The following RAB18 variants were observed in gnomAD, a reference collection of about 807,000 sequenced individuals.
RAB18 encodes RAB18, member RAS oncogene family.
RAB18 carries 10 observed loss-of-function variants against 28.5 expected under a neutral mutation model. The observed-to-expected ratio is 0.35, with a 90% CI of 0.22 to 0.60. RAB18 has a LOEUF of 0.60. Among genes scored for constraint, RAB18 ranks in the 20% least tolerant of loss-of-function variants. The pLI is 0.78. For missense variants in RAB18, 188 were observed against 244.2 expected, an observed-to-expected ratio of 0.77 and a Z score of 1.53; for synonymous variants, 93 against 86.9, an observed-to-expected ratio of 1.07 and a Z score of -0.39.
chr10:27,522,891 GTCT>G (rs1295191655), intron 2 of RAB18, among the ~76,000 whole-genome samples: 1 of 151,046 alleles, frequency 6.6e-6, no homozygotes. Flanking sequence ...GATTTTTTTT[GTCT>G]TCTTTTTCCT....
intron 2 of RAB18, among the ~76,000 whole-genome samples, chr10:27,525,142 G>A (rs1013316101): frequency 6.6e-5 from 10 of 152,214 alleles, no homozygotes; most frequent in African/African-American, 9.6e-5. Context: ...AGGAGTTGGG[G>A]TATGGGAAGA....
At chr10:27,521,496 A>G (rs1341173386) in intron 2 of RAB18, among the ~76,000 whole-genome samples, 2 of 152,246 alleles carry the variant, frequency 1.3e-5, no homozygotes, top group Non-Finnish European at 2.9e-5. Context: ...GCATATGCAT[A>G]CCATGGAATA....
chr10:27,515,760 A>G (rs1184296457), intron 2 of RAB18, among the ~76,000 whole-genome samples: 1 of 152,120 alleles, frequency 6.6e-6, no homozygotes, highest in Non-Finnish European at 1.5e-5. Flanking sequence ...TTTCATGACA[A>G]ACTTAAATAA....
In RAB18 at chr10:27,538,798, G is replaced by C. The variant is rs1834956646; in HGVS notation, c.*747G>C. 4.4e-6 allele frequency: 2 copies of C among 453,872 alleles called. No individual in the cohort carries two copies. Among genetic ancestry groups the C allele is most frequent in the Non-Finnish European group, 8.8e-6 (2 of 226,748 alleles). The allele number at this position is 453,872 out of a possible 1,614,324, so 28.1% of individuals were successfully genotyped here. A position where few individuals can be genotyped will look rare whatever the true frequency, so the allele number is the denominator to read the frequency against. On this transcript the variant is annotated 3_prime_UTR_variant, in exon 7 of 7. Transcript: ENST00000356940. Reference sequence around the variant, plus strand: ...GACAATAAGGTTTTCCCCCATTTTGGTTTCAGGAGGACATGAATAGTGTGT... The same window carrying C: ...GACAATAAGGTTTTCCCCCATTTTGCTTTCAGGAGGACATGAATAGTGTGT...
Position 27,538,690 on chromosome 10 carries a change from C to T in RAB18, c.*639C>T, listed in dbSNP as rs1204663482. On this transcript the variant is annotated 3_prime_UTR_variant, in exon 7 of 7. Coordinates refer to ENST00000356940, the MANE Select transcript of RAB18 (RefSeq NM_021252.5). ...TTTACTTCAATGATTAGCTCAGTTG[C>T]TTAACTGGAGTTTTAATCCTGTGAT... is the stretch of plus-strand genomic sequence containing the variant. The T allele has an allele frequency of 2.2e-6, 1 of 454,126 alleles. No homozygotes were observed. Among genetic ancestry groups the T allele is most frequent in the Admixed American group, 2.3e-5 (1 of 42,558 alleles). 28.1% of individuals were successfully genotyped at this position (454,126 alleles called of 1,614,324 possible). A position where few individuals can be genotyped will look rare whatever the true frequency, so the allele number is the denominator to read the frequency against.
rs1305158436 is a variant in RAB18, at chr10:27,538,378, A to G, written c.*327A>G. Reference sequence around the variant, plus strand: ...TGTTGATACAAAGTCTGCTTTTGCTATTCTTTTTGCTTAAATACTCCTATC... The same window carrying G: ...TGTTGATACAAAGTCTGCTTTTGCTGTTCTTTTTGCTTAAATACTCCTATC... On this transcript the variant is annotated 3_prime_UTR_variant, in exon 7 of 7. Coordinates refer to ENST00000356940, the MANE Select transcript of RAB18 (RefSeq NM_021252.5). 2.9e-5 allele frequency: 14 copies of G among 477,428 alleles called. No individual in the cohort carries two copies. The highest frequency in any genetic ancestry group is 1.9e-4 in the Admixed American group (8 of 43,232). 29.6% of individuals were successfully genotyped at this position (477,428 alleles called of 1,614,324 possible).
chr10:27,521,776 A>C (rs1322710302), intron 2 of RAB18, among the ~76,000 whole-genome samples: 1 of 152,110 alleles, frequency 6.6e-6, no homozygotes, highest in Admixed American at 6.5e-5. Flanking sequence ...GGTGCACCAA[A>C]ATCTCGGAAA....
At chr10:27,521,279 G>A (rs1021835537) in intron 2 of RAB18, among the ~76,000 whole-genome samples, 1 of 151,982 alleles carries the variant, frequency 6.6e-6, no homozygotes, top group Non-Finnish European at 1.5e-5. Context: ...TATTCTGTTG[G>A]CTCTAATTGG....
At position 27,504,375 on chromosome 10, in the gene RAB18, C is replaced by A. The variant is rs1023227619; in HGVS notation, c.6C>A (p.Asp2Glu). The A allele has an allele frequency of 1.3e-6, 2 of 1,574,964 alleles. No individual in the cohort carries two copies. The highest frequency in any genetic ancestry group is 1.2e-5 in the South Asian group (1 of 85,710). Reference sequence around the variant, plus strand: ...CGGAGCGGAACGGGGTCAGGATGGACGAGGACGTGCTAACCACCCTGAAGA... The same window carrying A: ...CGGAGCGGAACGGGGTCAGGATGGAAGAGGACGTGCTAACCACCCTGAAGA... M[D>E]EDVLTTLKIL... The change falls in exon 1 of 7, where the codon GAC becomes GAA. Residue 2 changes from aspartate (D) to glutamate (E), a missense_variant. Physicochemically the swap from Asp to Glu is conservative, Grantham distance 45 (BLOSUM62 2). Transcript: ENST00000356940.
rs778351351 is a variant in RAB18 at position 27,509,966 on chromosome 10, A to C, written c.124+36A>C. 4 of 1,543,124 alleles carry C rather than the reference A, an allele frequency of 2.6e-6. No homozygotes were observed. The East Asian group carries it at 9.0e-5, about 35-fold the overall frequency. On this transcript the variant is annotated intron_variant, in intron 2 of 6. Coordinates refer to ENST00000356940, the MANE Select transcript of RAB18 (RefSeq NM_021252.5). ...GTTTAAAAATTCTATAGAAATGGCC[A>C]GTATTTTCTTGCCTTTGGCCTTTTT...
chr10:27,508,417 T>C (rs1837905531), intron 1 of RAB18, among the ~76,000 whole-genome samples: 2 of 127,148 alleles, frequency 1.6e-5, no homozygotes, highest in African/African-American at 6.0e-5. Context: ...TATGATATTA[T>C]TACAACTAGT....
intron 5 of RAB18, 32 bp downstream of exon 5, chr10:27,533,885 T>A: frequency 1.2e-6 from 2 of 1,609,100 alleles, no homozygotes; most frequent in Non-Finnish European, 1.7e-6. Context: ...ATTTTGGTTC[T>A]ATATTTTGGT....
At chr10:27,529,589 G>A (rs182520371) in intron 3 of RAB18, among the ~76,000 whole-genome samples, 58 of 151,884 alleles carry the variant, frequency 3.8e-4, no homozygotes, top group Non-Finnish European at 7.5e-4. Context: ...AGCCTTTCTA[G>A]ATCTTTCCTA....
chr10:27,529,305 T>A (rs1427832742), intron 3 of RAB18, among the ~76,000 whole-genome samples: 1 of 152,004 alleles, frequency 6.6e-6, no homozygotes, highest in Non-Finnish European at 1.5e-5. Flanking sequence ...TTGGATCAGC[T>A]ATTTTCATCA....
Position 27,540,744 on chromosome 10 carries a change from TTTTCA to T in RAB18, c.*2700_*2704del, listed in dbSNP as rs1320664196. Reference sequence around the variant, plus strand: ...CTCAAAACTGAAATCTGGGGTGATGTTTTCATTTCATGTATTTGATTGCCATCCAT... The same window carrying T: ...CTCAAAACTGAAATCTGGGGTGATGTTTTCATGTATTTGATTGCCATCCAT... On this transcript the variant is annotated 3_prime_UTR_variant, in exon 7 of 7. Transcript: ENST00000356940. 2.2e-6 allele frequency: 1 copy of T among 453,940 alleles called. No individual in the cohort carries two copies. Among genetic ancestry groups the T allele is most frequent in the Non-Finnish European group, 4.4e-6 (1 of 226,754 alleles). The allele number at this position is 453,940 out of a possible 1,614,324, so 28.1% of individuals were successfully genotyped here. A position where few individuals can be genotyped will look rare whatever the true frequency, so the allele number is the denominator to read the frequency against.
At chr10:27,527,424 G>A (rs763545076) in intron 3 of RAB18, among the ~76,000 whole-genome samples, 4 of 151,884 alleles carry the variant, frequency 2.6e-5, no homozygotes, top group Non-Finnish European at 5.9e-5. Context: ...TAGCTAGACC[G>A]CTCATGCTAG....
At chr10:27,522,882 AT>A (rs1040341185) in intron 2 of RAB18, among the ~76,000 whole-genome samples, 7 of 151,182 alleles carry the variant, frequency 4.6e-5, no homozygotes, top group African/African-American at 7.3e-5. Context: ...CTTTGTAATG[AT>A]TTTTTTTGTC....
rs1834968028 is a variant in RAB18, at chr10:27,539,178, C to T, written c.*1127C>T. ...TTCACAGTATTCAGTTTTCTCACCT[C>T]TTGCTATTGTATATTGTAGATTTTT... On this transcript the variant is annotated 3_prime_UTR_variant, in exon 7 of 7. Coordinates refer to ENST00000356940, the MANE Select transcript of RAB18 (RefSeq NM_021252.5). 1 of 347,918 alleles carries T rather than the reference C, an allele frequency of 2.9e-6. No individual in the cohort carries two copies. The highest frequency in any genetic ancestry group is 2.3e-5 in the South Asian group (1 of 43,830). The allele number at this position is 347,918 out of a possible 1,614,324, so 21.6% of individuals were successfully genotyped here. A position where few individuals can be genotyped will look rare whatever the true frequency, so the allele number is the denominator to read the frequency against.
intron 1 of RAB18, among the ~76,000 whole-genome samples, chr10:27,508,998 T>A (rs886567724): frequency 2.6e-5 from 4 of 152,234 alleles, no homozygotes; most frequent in Non-Finnish European, 5.9e-5. Flanking sequence ...ATTTTATTTT[T>A]GAAGAGTTTC....
Sources: allele counts gnomAD v4.1 joint callset (sites outside exome capture counted in the v4.1 genomes callset), GRCh38; gene constraint gnomAD v4.1.1; transcripts MANE v1.5; gene names NCBI Gene and HGNC (gene_info 2026-07-23, HGNC 2026-07-21).